The following RIN2 variants were observed in gnomAD, a reference collection of about 807,000 sequenced individuals.
The protein encoded by RIN2 is RAB5 interacting protein 2.
Under a neutral mutation model 78.0 loss-of-function variants are expected in RIN2, and 36 were observed. That is an observed-to-expected ratio of 0.46 (90% confidence interval 0.35 to 0.61). The LOEUF is 0.61. RIN2 is among the 20% of genes least tolerant of loss of function. The pLI is 0.00. For missense variants in RIN2, 1,087 were observed against 1,159.7 expected (o/e 0.94, Z 0.91); for synonymous variants, 466 against 466.8 (o/e 1.00, Z 0.02).
intron 1 of RIN2, among the ~76,000 whole-genome samples, chr20:19,772,941 G>A (rs76708595): frequency 0.023 from 3,512 of 152,290 alleles, 92 homozygotes; most frequent in African/African-American, 0.054. Context: ...AGAAATACAG[G>A]CATGCATTAA....
intron 3 of RIN2, chr20:19,934,484 G>A (rs2040556374): frequency 1.0e-6 from 1 of 985,236 alleles, no homozygotes; most frequent in Non-Finnish European, 1.2e-6. Flanking sequence ...GATGGCCCTG[G>A]GGCCCACTCC....
At chr20:19,856,149 T>C (rs2037159382) in intron 2 of RIN2, among the ~76,000 whole-genome samples, 1 of 152,204 alleles carries the variant, frequency 6.6e-6, no homozygotes, top group Admixed American at 6.5e-5. Flanking sequence ...ACCCTGTATA[T>C]GAAAGAACTT....
intron 7 of RIN2, among the ~76,000 whole-genome samples, chr20:19,970,339 T>G (rs1312568902): frequency 2.6e-5 from 4 of 152,344 alleles, no homozygotes; most frequent in Middle Eastern, 3.4e-3. Flanking sequence ...AAGGCCAATG[T>G]GTGGGCTGTA....
intron 6 of RIN2, among the ~76,000 whole-genome samples, chr20:19,963,336 C>T (rs193018040): frequency 1.5e-3 from 222 of 152,042 alleles, no homozygotes; most frequent in Non-Finnish European, 2.3e-3. Flanking sequence ...AAGAAGCAGC[C>T]GGCGCAGTGG....
chr20:19,937,001 C>G, intron 4 of RIN2, among the ~76,000 whole-genome samples: 1 of 152,316 alleles, frequency 6.6e-6, no homozygotes, highest in South Asian at 2.1e-4. Flanking sequence ...GACTAACTTA[C>G]GGAATCTTCC....
chr20:19,938,439 T>G (rs146364406), intron 4 of RIN2, among the ~76,000 whole-genome samples: 1,718 of 151,992 alleles, frequency 0.011, 29 homozygotes, highest in African/African-American at 0.039. Context: ...TGCCCAGGTG[T>G]GTCTCAGACC....
At chr20:19,817,259 C>T (rs1365086443) in intron 2 of RIN2, among the ~76,000 whole-genome samples, 3 of 152,160 alleles carry the variant, frequency 2.0e-5, no homozygotes, top group African/African-American at 7.2e-5. Flanking sequence ...CTCACAGTTC[C>T]GGAGCCCGGA....
At chr20:19,795,674 AT>A (rs2035032563) in intron 1 of RIN2, among the ~76,000 whole-genome samples, 1 of 152,040 alleles carries the variant, frequency 6.6e-6, no homozygotes, top group South Asian at 2.1e-4. Context: ...CCAAACAAAC[AT>A]TTTTTTCCGC....
intron 2 of RIN2, chr20:19,823,549 A>G: frequency 7.5e-7 from 1 of 1,324,954 alleles, no homozygotes; most frequent in South Asian, 1.2e-5. Context: ...AGTCCCCAGG[A>G]TCTCTTTAGT....
intron 6 of RIN2, among the ~76,000 whole-genome samples, chr20:19,962,069 G>A (rs1434684870): frequency 6.6e-6 from 1 of 151,866 alleles, no homozygotes; most frequent in Non-Finnish European, 1.5e-5. Context: ...GGGAGGCCAA[G>A]GCCAGAGGGT....
At chr20:19,766,146 C>T (rs2033876957) in intron 1 of RIN2, among the ~76,000 whole-genome samples, 1 of 152,156 alleles carries the variant, frequency 6.6e-6, no homozygotes, top group African/African-American at 2.4e-5. Flanking sequence ...GGGGCACCCA[C>T]CCATCCTCTC....
intron 1 of RIN2, among the ~76,000 whole-genome samples, chr20:19,762,714 G>A (rs2033690230): frequency 6.6e-6 from 1 of 152,164 alleles, no homozygotes; most frequent in Non-Finnish European, 1.5e-5. Flanking sequence ...CGTGCTGTGC[G>A]AACAAGGGAG....
intron 3 of RIN2, among the ~76,000 whole-genome samples, chr20:19,927,697 G>A (rs115440323): frequency 1.3e-5 from 2 of 151,988 alleles, no homozygotes; most frequent in African/African-American, 4.8e-5. Flanking sequence ...TTACAAGCGT[G>A]AGCCACCACG....
intron 4 of RIN2, among the ~76,000 whole-genome samples, chr20:19,947,696 G>A (rs1231297013): frequency 1.3e-5 from 2 of 152,192 alleles, no homozygotes; most frequent in South Asian, 2.1e-4. Context: ...TTCAGGGAAC[G>A]AGCCCTCAGG....
chr20:19,869,968 C>T (rs1241128905), intron 2 of RIN2, among the ~76,000 whole-genome samples: 1 of 152,182 alleles, frequency 6.6e-6, no homozygotes, highest in Middle Eastern at 3.4e-3. Flanking sequence ...GAAATAATGT[C>T]AAACTTCCAG....
At chr20:19,762,188 C>T (rs1256577296) in intron 1 of RIN2, among the ~76,000 whole-genome samples, 4 of 152,222 alleles carry the variant, frequency 2.6e-5, no homozygotes, top group African/African-American at 9.6e-5. Context: ...AGCCCCCGTT[C>T]ACAAGCAACC....
intron 2 of RIN2, among the ~76,000 whole-genome samples, chr20:19,879,580 A>G (rs919670190): frequency 4.6e-5 from 7 of 152,210 alleles, no homozygotes; most frequent in African/African-American, 1.4e-4. Flanking sequence ...TAAGGCTCTA[A>G]TCCTACAACA....
At chr20:19,851,728 C>A (rs1017465862) in intron 2 of RIN2, among the ~76,000 whole-genome samples, 1 of 152,054 alleles carries the variant, frequency 6.6e-6, no homozygotes, top group South Asian at 2.1e-4. Context: ...TTCTCTTGGG[C>A]TCCCAAGAGC....
intron 4 of RIN2, among the ~76,000 whole-genome samples, chr20:19,940,710 C>T (rs2040834312): frequency 1.3e-5 from 2 of 152,220 alleles, no homozygotes; most frequent in African/African-American, 4.8e-5. Flanking sequence ...CATTTCACTC[C>T]CCTCTCCCTC....
Sources: gnomAD v4.1 joint callset for allele counts (sites outside exome capture counted in the v4.1 genomes callset) on GRCh38, gnomAD v4.1.1 for gene constraint, MANE v1.5 for transcripts, NCBI Gene and HGNC (gene_info 2026-07-23, HGNC 2026-07-21) for gene names.